Variants in PCCB observed in about 807,000 individuals in gnomAD.
The protein encoded by PCCB is propionyl-CoA carboxylase subunit beta.
PCCB carries 43 observed loss-of-function variants against 60.7 expected under a neutral mutation model. The observed-to-expected ratio is 0.71, with a 90% CI of 0.55 to 0.91. PCCB has a LOEUF of 0.91. Among genes scored for constraint, PCCB ranks in the 40% least tolerant of loss-of-function variants. The pLI is 0.00. For synonymous variants in PCCB, 276 were observed against 255.9 expected (o/e 1.08, Z -0.75); for missense variants, 766 against 702.8 (o/e 1.09, Z -1.02).
chr3:136,277,231 C>T (rs532591841), intron 5 of PCCB, among the ~76,000 whole-genome samples: 2 of 152,314 alleles, frequency 1.3e-5, no homozygotes, highest in East Asian at 1.9e-4. Flanking sequence ...AGATGCAGGA[C>T]CTCCTGGTTA....
chr3:136,277,994 T>G (rs558826324), intron 5 of PCCB, among the ~76,000 whole-genome samples: 1 of 152,194 alleles, frequency 6.6e-6, no homozygotes, highest in African/African-American at 2.4e-5. Context: ...CCTCACTCAG[T>G]GTTATATCTT....
In PCCB at chr3:136,303,066, C is replaced by T. The variant is rs965825929; in HGVS notation, c.966+1955C>T. Among the ~76,000 whole-genome samples, 7 of 122,464 alleles carry T rather than the reference C, an allele frequency of 5.7e-5. 2 individuals carry two copies. The highest frequency in any genetic ancestry group is 2.9e-4 in the Admixed American group (3 of 10,358). 80.3% of individuals were successfully genotyped at this position (122,464 alleles called of 152,430 possible). On this transcript the variant is annotated intron_variant, in intron 9 of 14. Transcript: ENST00000251654. Reference sequence around the variant, plus strand: ...TGCCACTGCACTCCATCCTGGTGTGCAAGACTCCATCGCCAAAAATAAGTA... The same window carrying T: ...TGCCACTGCACTCCATCCTGGTGTGTAAGACTCCATCGCCAAAAATAAGTA...
At chr3:136,323,808 A>C (rs1486530053) in intron 10 of PCCB, among the ~76,000 whole-genome samples, 4 of 106,970 alleles carry the variant, frequency 3.7e-5, no homozygotes, top group African/African-American at 1.7e-4. Context: ...AAAACATCTC[A>C]AAAAAAAAAA....
intron 9 of PCCB, among the ~76,000 whole-genome samples, chr3:136,315,743 G>A (rs1447150673): frequency 6.6e-6 from 1 of 151,520 alleles, no homozygotes; most frequent in Non-Finnish European, 1.5e-5. Flanking sequence ...TGAGAGAATT[G>A]CTTGAGCCCT....
At chr3:136,273,144 G>GT (rs1942244423) in intron 5 of PCCB, among the ~76,000 whole-genome samples, 1 of 152,046 alleles carries the variant, frequency 6.6e-6, no homozygotes, top group South Asian at 2.1e-4. Flanking sequence ...TTTTGGAGTT[G>GT]TTTCTAGTTT....
intron 6 of PCCB, among the ~76,000 whole-genome samples, chr3:136,292,693 G>A (rs1459679822): frequency 6.6e-6 from 1 of 152,214 alleles, no homozygotes; most frequent in Non-Finnish European, 1.5e-5. Context: ...TTGAAAGAAT[G>A]TGTTGGGAAG....
At chr3:136,328,649 G>C in intron 13 of PCCB, 109 bp from the exon 14 acceptor site, 1 of 843,758 alleles carries the variant, frequency 1.2e-6, no homozygotes, top group East Asian at 2.5e-5. Flanking sequence ...CTTCCCCTCA[G>C]TACACTGATT....
At position 136,293,803 on chromosome 3, in the gene PCCB, C is replaced by T; in HGVS notation, c.702C>T (p.Val234=). ...FITGPDVVKS[V]TNEDVTQEEL... ...CTGGCCCTGATGTTGTGAAGTCTGT[C>T]ACCAATGAGGATGTTACCCAGGAGG... The change falls in exon 7 of 15, where the codon GTC becomes GTT. Residue 234 remains valine, a synonymous_variant. Transcript: ENST00000251654. 6.2e-7 allele frequency: 1 copy of T among 1,613,538 alleles called. No individual in the cohort carries two copies. The highest frequency in any genetic ancestry group is 8.5e-7 in the Non-Finnish European group (1 of 1,179,504).
At chr3:136,314,662 AC>A (rs1363080292) in intron 9 of PCCB, among the ~76,000 whole-genome samples, 1 of 151,626 alleles carries the variant, frequency 6.6e-6, no homozygotes, top group Non-Finnish European at 1.5e-5. Context: ...CTCAAGAAAA[AC>A]AAAAACAAAA....
chr3:136,273,580 TTTTTTTTTTC>T (rs1942256483), intron 5 of PCCB, among the ~76,000 whole-genome samples: 6 of 137,394 alleles, frequency 4.4e-5, no homozygotes, highest in Non-Finnish European at 3.0e-5. Context: ...TTTTCTTTCT[TTTTTTTTTTC>T]TTTTTTCTTT....
intron 7 of PCCB, among the ~76,000 whole-genome samples, chr3:136,296,042 C>T (rs1027565131): frequency 1.3e-5 from 2 of 152,118 alleles, no homozygotes; most frequent in African/African-American, 4.8e-5. Context: ...CAAAAAGGTG[C>T]TCCGTACATA....
chr3:136,250,473 C>G lies in PCCB; in HGVS notation c.98C>G (p.Thr33Ser). 1 of 1,611,922 alleles carries G rather than the reference C, an allele frequency of 6.2e-7. No homozygotes were observed. Among genetic ancestry groups the G allele is most frequent in the Admixed American group, 1.7e-5 (1 of 59,776 alleles). ...AAVRSLCSQA[T>S]SVNERIENKR... is the part of the protein sequence containing the mutation. ...GTCCGCAGCCTTTGCAGCCAGGCCACCTCTGTTAACGAACGCATCGAAAAC... is the reference window on the plus strand; with the variant it reads ...GTCCGCAGCCTTTGCAGCCAGGCCAGCTCTGTTAACGAACGCATCGAAAAC... The change falls in exon 1 of 15, where the codon ACC becomes AGC. Residue 33 changes from threonine (T) to serine (S), a missense_variant. Physicochemically the swap from Thr to Ser is moderately conservative, Grantham distance 58. Coordinates refer to ENST00000251654, the MANE Select transcript of PCCB (RefSeq NM_000532.5).
intron 14 of PCCB, among the ~76,000 whole-genome samples, chr3:136,329,324 C>CTG (rs1268724017): frequency 3.3e-5 from 5 of 152,140 alleles, no homozygotes; most frequent in Non-Finnish European, 7.4e-5. Flanking sequence ...TTGCTGTTAG[C>CTG]TAGACTCACT....
Position 136,293,760 on chromosome 3 carries a change from C to T in PCCB, c.659C>T (p.Thr220Ile), listed in dbSNP as rs1309361444. The change falls in exon 7 of 15, where the codon ACC becomes ATC. Residue 220 changes from threonine (T) to isoleucine (I), a missense_variant. Transcript: ENST00000251654. ...TCTGGAAATCTTTTATTTCAGGACA[C>T]CTCCTACCTGTTCATCACTGGCCCT... ...LTDFTFMVKD[T>I]SYLFITGPDV... 3 of 1,603,114 alleles carry T rather than the reference C, an allele frequency of 1.9e-6. No individual in the cohort carries two copies. Among genetic ancestry groups the T allele is most frequent in the Admixed American group, 1.7e-5 (1 of 60,006 alleles).
intron 5 of PCCB, among the ~76,000 whole-genome samples, chr3:136,276,141 C>T (rs1942325138): frequency 6.6e-6 from 1 of 152,118 alleles, no homozygotes; most frequent in African/African-American, 2.4e-5. Context: ...ATGGAAAGGT[C>T]TCTTGAAGCT....
intron 10 of PCCB, among the ~76,000 whole-genome samples, chr3:136,323,005 T>G (rs201315005): frequency 0.01 from 1,553 of 151,704 alleles, 27 homozygotes; most frequent in East Asian, 0.047. Flanking sequence ...TGAGTTTTTT[T>G]TTTTTTTTTT....
chr3:136,326,258 A>G, intron 10 of PCCB: 1 of 689,070 alleles, frequency 1.5e-6, no homozygotes, highest in Admixed American at 2.1e-5. Context: ...TCATAGAATT[A>G]AGTTGGAAAC....
chr3:136,327,780 A>G (rs1161784311), intron 13 of PCCB, 48 bp downstream of exon 13: 1 of 1,420,814 alleles, frequency 7.0e-7, no homozygotes, highest in Non-Finnish European at 9.9e-7. Context: ...ACTCGACTCT[A>G]CCAGCGAGAG....
intron 10 of PCCB, among the ~76,000 whole-genome samples, chr3:136,319,648 T>G (rs966910496): frequency 6.6e-6 from 1 of 152,244 alleles, no homozygotes; most frequent in Non-Finnish European, 1.5e-5. Context: ...TCTGCCCACC[T>G]TGGCCTCCCA....
Sources: gnomAD v4.1 joint callset for allele counts (sites outside exome capture counted in the v4.1 genomes callset) on GRCh38, gnomAD v4.1.1 for gene constraint, MANE v1.5 for transcripts, NCBI Gene and HGNC (gene_info 2026-07-23, HGNC 2026-07-21) for gene names.